The following ARHGAP32 variants were observed in gnomAD, a reference collection of about 807,000 sequenced individuals.
ARHGAP32 encodes the protein Rho GTPase activating protein 32, also known as rho GTPase-activating protein 32.
A neutral mutation model predicts 186.5 loss-of-function variants in ARHGAP32; 51 were observed. The observed-to-expected ratio is 0.27, with a 90% CI of 0.22 to 0.35. ARHGAP32 has a LOEUF of 0.35. Ranked by LOEUF, ARHGAP32 falls within the 10% of genes least tolerant of loss-of-function variation. ARHGAP32 has a pLI of 1.00. For missense variants in ARHGAP32, 2,186 were observed against 2,623.5 expected, an observed-to-expected ratio of 0.83 and a Z score of 3.64; for synonymous variants, 950 against 964.3, an observed-to-expected ratio of 0.99 and a Z score of 0.27.
chr11:129,064,795 G>C (rs1266762143), intron 8 of ARHGAP32, 46 bp downstream of exon 8: 1 of 1,400,992 alleles, frequency 7.1e-7, no homozygotes, highest in East Asian at 2.5e-5. Flanking sequence ...TTCTTAAGTA[G>C]ATAATTTAAA....
chr11:129,155,439 G>A (rs924488670), intron 2 of ARHGAP32, among the ~76,000 whole-genome samples: 1 of 152,136 alleles, frequency 6.6e-6, no homozygotes, highest in Non-Finnish European at 1.5e-5. Flanking sequence ...CCACAGCTGT[G>A]CTAAAATAAT....
At chr11:129,193,582 TATATAATATATGTTATATATAATATATA>T (rs1565464606), upstream of ARHGAP32, among the ~76,000 whole-genome samples, 181 of 52,052 alleles carry the variant, frequency 3.5e-3, 4 homozygotes, top group African/African-American at 0.013. Context: ...ATATATATAT[TATATAATATATGTTATATATAATATATA>T]ATATATGTTA....
At position 129,047,444 on chromosome 11, in the gene ARHGAP32, T is replaced by C. The variant is rs562498694; in HGVS notation, c.964-6435A>G. Among the ~76,000 whole-genome samples the C allele has an allele frequency of 2.6e-5, 4 of 152,198 alleles. No homozygotes were observed. In the South Asian group the frequency reaches 6.2e-4, roughly 24 times the overall value. On this transcript the variant is annotated intron_variant, in intron 10 of 22. Transcript: ENST00000682385. ...CCCCCAAGGTACTTATCCCCACAAT[T>C]CCAGGTTTTTTTTGTTTTGTTTGCT...
chr11:129,106,309 T>C (rs1360399197), intron 5 of ARHGAP32, among the ~76,000 whole-genome samples: 2 of 152,100 alleles, frequency 1.3e-5, no homozygotes, highest in African/African-American at 4.8e-5. Flanking sequence ...AAAGAAAATA[T>C]GGTACACACA....
At chr11:129,000,902 A>G (rs1946340723) in intron 11 of ARHGAP32, among the ~76,000 whole-genome samples, 1 of 152,098 alleles carries the variant, frequency 6.6e-6, no homozygotes, top group Non-Finnish European at 1.5e-5. Context: ...TGCTTGGCTT[A>G]TTTCACTTAA....
intron 7 of ARHGAP32, among the ~76,000 whole-genome samples, chr11:129,066,472 T>C (rs915527430): frequency 6.6e-6 from 1 of 152,080 alleles, no homozygotes; most frequent in Non-Finnish European, 1.5e-5. Context: ...TTATGTGCTC[T>C]CTGGAGAATG....
chr11:129,041,119 T>C (rs1049168146), intron 10 of ARHGAP32, 110 bp from the exon 11 acceptor site: 7 of 640,192 alleles, frequency 1.1e-5, no homozygotes, highest in Admixed American at 2.9e-5. Context: ...CAAATGATTC[T>C]ATTATTCCAA....
At chr11:129,106,587 G>A (rs1942054867) in intron 5 of ARHGAP32, among the ~76,000 whole-genome samples, 1 of 151,920 alleles carries the variant, frequency 6.6e-6, no homozygotes, top group Admixed American at 6.6e-5. Flanking sequence ...CTCAGTACGT[G>A]GGTGATGGGA....
At chr11:128,989,086 GAT>G (rs971620312) in intron 12 of ARHGAP32, among the ~76,000 whole-genome samples, 1 of 152,072 alleles carries the variant, frequency 6.6e-6, no homozygotes, top group Non-Finnish European at 1.5e-5. Flanking sequence ...ATTTTAATAA[GAT>G]AATTTTAGTG....
At chr11:129,247,924 C>G (rs1945122591) in intron 1 of ARHGAP32, among the ~76,000 whole-genome samples, 2 of 152,008 alleles carry the variant, frequency 1.3e-5, no homozygotes. Context: ...TAAATAAACT[C>G]TAAATTTATG....
intron 2 of ARHGAP32, among the ~76,000 whole-genome samples, chr11:129,132,194 G>A (rs1028579226): frequency 1.3e-5 from 2 of 152,178 alleles, no homozygotes; most frequent in African/African-American, 4.8e-5. Context: ...ATAAAAAACG[G>A]CAGGCTGGGC....
chr11:129,225,952 G>C (rs1276417229), intron 1 of ARHGAP32, among the ~76,000 whole-genome samples: 1 of 152,096 alleles, frequency 6.6e-6, no homozygotes, highest in African/African-American at 2.4e-5. Flanking sequence ...GGATTGAAAA[G>C]TACAATTACT....
intron 6 of ARHGAP32, among the ~76,000 whole-genome samples, chr11:129,087,415 G>A (rs1463304435): frequency 6.6e-6 from 1 of 152,186 alleles, no homozygotes; most frequent in African/African-American, 2.4e-5. Flanking sequence ...CAGTGCTAAA[G>A]TGAAATGAAC....
chr11:129,169,531 T>C (rs965061011), intron 1 of ARHGAP32, among the ~76,000 whole-genome samples: 3 of 148,852 alleles, frequency 2.0e-5, no homozygotes, highest in Non-Finnish European at 3.0e-5. Context: ...CTCAGGAGGC[T>C]GAGGCAGGAG....
At chr11:129,227,330 T>C (rs1944798578) in intron 1 of ARHGAP32, among the ~76,000 whole-genome samples, 1 of 151,712 alleles carries the variant, frequency 6.6e-6, no homozygotes. Flanking sequence ...CAAAAAAGAA[T>C]GCCATAACGG....
At chr11:129,093,259 T>G (rs1342355144) in intron 6 of ARHGAP32, among the ~76,000 whole-genome samples, 1 of 152,060 alleles carries the variant, frequency 6.6e-6, no homozygotes, top group Non-Finnish European at 1.5e-5. Context: ...AAAAGTATTT[T>G]CACTTAAGGG....
intron 2 of ARHGAP32, among the ~76,000 whole-genome samples, chr11:129,129,405 G>A (rs575244725): frequency 7.3e-4 from 109 of 149,574 alleles, no homozygotes; most frequent in African/African-American, 2.1e-3. Context: ...CGCCCAGTCC[G>A]GGAGGGAGGT....
At chr11:129,255,631 C>CA (rs1945244991) in intron 1 of ARHGAP32, among the ~76,000 whole-genome samples, 1 of 151,828 alleles carries the variant, frequency 6.6e-6, no homozygotes. Flanking sequence ...AAGTATCTGA[C>CA]AAAAAACTAG....
intron 2 of ARHGAP32, among the ~76,000 whole-genome samples, chr11:129,130,158 T>A (rs2135400826): frequency 6.6e-6 from 1 of 152,210 alleles, no homozygotes; most frequent in Admixed American, 6.5e-5. Context: ...ATGAATGAAA[T>A]ATAATGCAAT....
Sources: gnomAD v4.1 joint callset for allele counts (sites outside exome capture counted in the v4.1 genomes callset) on GRCh38, gnomAD v4.1.1 for gene constraint, MANE v1.5 for transcripts, NCBI Gene and HGNC (gene_info 2026-07-23, HGNC 2026-07-21) for gene names.